CSMD3: variants seen among roughly 807,000 people sequenced by gnomAD.
CSMD3 encodes CUB and sushi domain-containing protein 3.
A neutral mutation model predicts 435.2 loss-of-function variants in CSMD3; 177 were observed. The ratio of observed to expected loss-of-function variants is 0.41; its 90% CI spans 0.36 to 0.46. The LOEUF (loss-of-function observed/expected upper bound fraction) is 0.46, where lower values mean the gene tolerates loss of function less well. Among genes scored for constraint, CSMD3 ranks in the 20% least tolerant of loss-of-function variants. CSMD3 has a pLI of 0.34. For missense variants in CSMD3, 4,265 were observed against 4,504.6 expected (o/e 0.95, Z 1.52); for synonymous variants, 1,656 against 1,520.5 (o/e 1.09, Z -2.07).
chr8:112,283,666 C>G (rs1242758432), intron 58 of CSMD3, among the ~76,000 whole-genome samples: 1 of 151,496 alleles, frequency 6.6e-6, no homozygotes, highest in Non-Finnish European at 1.5e-5. Context: ...GTTTTCCATA[C>G]AGTTAATAAT....
intron 23 of CSMD3, among the ~76,000 whole-genome samples, chr8:112,582,929 C>T (rs1043384068): frequency 2.6e-5 from 4 of 151,938 alleles, no homozygotes; most frequent in African/African-American, 9.7e-5. Context: ...TCTGCTAGTG[C>T]CTTAGTCTTG....
intron 13 of CSMD3, among the ~76,000 whole-genome samples, chr8:112,726,997 GA>G (rs1437335936): frequency 2.6e-5 from 4 of 151,494 alleles, no homozygotes; most frequent in Non-Finnish European, 5.9e-5. Context: ...AAAAAATAAA[GA>G]CAAAAATGAC....
At chr8:112,625,325 C>A (rs952489498) in intron 22 of CSMD3, among the ~76,000 whole-genome samples, 1 of 151,926 alleles carries the variant, frequency 6.6e-6, no homozygotes, top group Admixed American at 6.6e-5. Context: ...CATGATTGAA[C>A]AAGTGAGAAA....
chr8:112,258,712 A>G (rs1181422215), intron 61 of CSMD3, among the ~76,000 whole-genome samples: 1 of 152,184 alleles, frequency 6.6e-6, no homozygotes, highest in Admixed American at 6.5e-5. Flanking sequence ...TGTGGAAGAC[A>G]GTGTGGCGAT....
chr8:112,254,338 A>T lies in CSMD3; in HGVS notation c.10037-12T>A. ...GGTTTGGGTAGGCTCTAAAATGAAG[A>T]TTAAAAAGATATTAGTCCTTTAAAA... is the stretch of plus-strand genomic sequence containing the variant. On this transcript the variant is annotated splice_polypyrimidine_tract_variant and intron_variant, in intron 62 of 70. Coordinates refer to ENST00000297405, the MANE Select transcript of CSMD3 (RefSeq NM_198123.2). The T allele has an allele frequency of 6.3e-7, 1 of 1,588,798 alleles. No homozygotes were observed. Among genetic ancestry groups the T allele is most frequent in the Non-Finnish European group, 8.6e-7 (1 of 1,157,146 alleles).
At chr8:112,631,319 T>C (rs936641230) in intron 22 of CSMD3, among the ~76,000 whole-genome samples, 12 of 152,070 alleles carry the variant, frequency 7.9e-5, no homozygotes, top group African/African-American at 2.9e-4. Flanking sequence ...ATAGCAGAGT[T>C]CAGTAATTGT....
chr8:113,234,793 G>A lies in CSMD3; in HGVS notation c.514+43799C>T, dbSNP rs1440604999. 2.0e-5 allele frequency among the ~76,000 whole-genome samples: 3 copies of A among 152,092 alleles called. No individual in the cohort carries two copies. In the East Asian group the frequency reaches 5.8e-4, roughly 29 times the overall value. ...GATGCAAATGGTGTATCTATGGAATGAAAATGTTGACTCCAGTGTGACCTC... is the reference window on the plus strand; with the variant it reads ...GATGCAAATGGTGTATCTATGGAATAAAAATGTTGACTCCAGTGTGACCTC... On this transcript the variant is annotated intron_variant, in intron 3 of 70. Coordinates refer to ENST00000297405, the MANE Select transcript of CSMD3 (RefSeq NM_198123.2).
intron 11 of CSMD3, among the ~76,000 whole-genome samples, chr8:112,844,188 A>T (rs2132544560): frequency 6.6e-6 from 1 of 152,102 alleles, no homozygotes; most frequent in East Asian, 1.9e-4. Flanking sequence ...CTACAATTTA[A>T]TATAATTAAT....
intron 23 of CSMD3, among the ~76,000 whole-genome samples, chr8:112,574,242 T>C (rs1287160052): frequency 1.3e-5 from 2 of 152,078 alleles, no homozygotes; most frequent in Non-Finnish European, 2.9e-5. Context: ...CTCATTTTTC[T>C]GAAAGTATAA....
intron 1 of CSMD3, among the ~76,000 whole-genome samples, chr8:113,415,450 A>C (rs534267034): frequency 6.6e-6 from 1 of 152,336 alleles, no homozygotes; most frequent in Admixed American, 6.5e-5. Context: ...ACGTAGAAAA[A>C]AACGCAAAGC....
rs890842972 is a variant in CSMD3, at chr8:112,241,910, C to A, written c.10403-125G>T. ...GTCCATTTTATTCTCTGACATTTCA[C>A]ATAGATAGTTTTCTCTAAAATGTTC... On this transcript the variant is annotated intron_variant, in intron 65 of 70. Coordinates refer to ENST00000297405, the MANE Select transcript of CSMD3 (RefSeq NM_198123.2). The A allele has an allele frequency of 3.9e-6, 3 of 761,210 alleles. No homozygotes were observed. In the Admixed American group the frequency reaches 5.5e-5, roughly 14 times the overall value. The allele number at this position is 761,210 out of a possible 1,614,324, so 47.2% of individuals were successfully genotyped here.
chr8:112,506,349 A>C (rs1822516270), intron 29 of CSMD3, among the ~76,000 whole-genome samples: 1 of 152,122 alleles, frequency 6.6e-6, no homozygotes, highest in Non-Finnish European at 1.5e-5. Context: ...ATAACTGATT[A>C]CATCAACCTT....
At chr8:112,783,078 T>C (rs918740060) in intron 13 of CSMD3, among the ~76,000 whole-genome samples, 1 of 152,068 alleles carries the variant, frequency 6.6e-6, no homozygotes, top group African/African-American at 2.4e-5. Flanking sequence ...AAACTACTCA[T>C]GTTTTTAGTG....
chr8:112,553,976 C>T (rs1827903588), intron 25 of CSMD3, among the ~76,000 whole-genome samples: 1 of 151,904 alleles, frequency 6.6e-6, no homozygotes, highest in Non-Finnish European at 1.5e-5. Flanking sequence ...GACTTGTAGG[C>T]CTCATCCAAT....
chr8:113,152,083 G>T (rs953606386), intron 4 of CSMD3, among the ~76,000 whole-genome samples: 8 of 151,820 alleles, frequency 5.3e-5, no homozygotes, highest in Non-Finnish European at 7.4e-5. Flanking sequence ...TACATAACAT[G>T]GTGGTACAAC....
intron 1 of CSMD3, among the ~76,000 whole-genome samples, chr8:113,342,485 TTGATTAAATTGATC>T (rs1563723742): frequency 6.6e-6 from 1 of 152,174 alleles, no homozygotes. Flanking sequence ...AATGACTAAA[TTGATTAAATTGATC>T]TGATTAACAT....
intron 38 of CSMD3, among the ~76,000 whole-genome samples, chr8:112,358,468 C>G (rs59773366): frequency 3.3e-5 from 5 of 152,078 alleles, no homozygotes; most frequent in African/African-American, 1.2e-4. Flanking sequence ...GGCTGTGTCC[C>G]CACCCACATC....
chr8:113,269,449 G>GA (rs1289677177), intron 3 of CSMD3, among the ~76,000 whole-genome samples: 1 of 151,658 alleles, frequency 6.6e-6, no homozygotes, highest in Non-Finnish European at 1.5e-5. Flanking sequence ...CACAGAATTG[G>GA]AAAAAACGAC....
At chr8:113,272,108 G>C in intron 3 of CSMD3, among the ~76,000 whole-genome samples, 1 of 152,068 alleles carries the variant, frequency 6.6e-6, no homozygotes, top group East Asian at 1.9e-4. Context: ...GAAATAACTA[G>C]CTTGCTTTTG....
Sources: allele counts gnomAD v4.1 joint callset (sites outside exome capture counted in the v4.1 genomes callset), GRCh38; gene constraint gnomAD v4.1.1; transcripts MANE v1.5; gene names NCBI Gene and HGNC (gene_info 2026-07-23, HGNC 2026-07-21).